Variants in ACAP2 observed in about 807,000 individuals in gnomAD.
ACAP2 encodes arf-GAP with coiled-coil, ANK repeat and PH domain-containing protein 2.
ACAP2 carries 39 observed loss-of-function variants against 115.8 expected under a neutral mutation model. The observed-to-expected ratio is 0.34, with a 90% CI of 0.26 to 0.44. ACAP2 has a LOEUF of 0.44. ACAP2 is among the 20% of genes least tolerant of loss of function. The pLI is 1.00. For synonymous variants in ACAP2, 289 were observed against 315.8 expected (o/e 0.92, Z 0.90); for missense variants, 662 against 927.6 (o/e 0.71, Z 3.72).
At chr3:195,435,154 G>A (rs1050839468) in intron 1 of ACAP2, among the ~76,000 whole-genome samples, 1 of 2,998 alleles carries the variant, frequency 3.3e-4, no homozygotes, top group African/African-American at 1.8e-3. Context: ...AGTTTGCTGG[G>A]GTGAAGATTA....
chr3:195,428,555 G>A (rs1714865410), intron 1 of ACAP2, among the ~76,000 whole-genome samples: 2 of 152,016 alleles, frequency 1.3e-5, no homozygotes, highest in African/African-American at 4.8e-5. Flanking sequence ...ATAACAAGCT[G>A]TACAGGTTTG....
chr3:195,297,156 C>G (rs1433833886), intron 16 of ACAP2, 34 bp downstream of exon 16: 1 of 1,559,132 alleles, frequency 6.4e-7, no homozygotes, highest in South Asian at 1.1e-5. Flanking sequence ...TAGCTATATT[C>G]CTAATTAGGG....
chr3:195,362,457 A>G (rs1464661305), intron 4 of ACAP2, among the ~76,000 whole-genome samples: 1 of 152,172 alleles, frequency 6.6e-6, no homozygotes, highest in Non-Finnish European at 1.5e-5. Context: ...AGGAGGGAAT[A>G]CTTACAAACT....
chr3:195,299,124 C>T lies in ACAP2; in HGVS notation c.1396-1843G>A, dbSNP rs901386495. On this transcript the variant is annotated intron_variant, in intron 15 of 22. Coordinates refer to ENST00000326793, the MANE Select transcript of ACAP2 (RefSeq NM_012287.6). The stretch of plus-strand genomic sequence containing the variant: ...TATATAAAGTCTTCTTTAAAATCTG[C>T]ACTGGTACTGTGAGACATCACTGCA... Among the ~76,000 whole-genome samples, 14 of 152,244 alleles carry T rather than the reference C, an allele frequency of 9.2e-5. No individual in the cohort carries two copies. In the South Asian group the frequency reaches 1.4e-3, roughly 16 times the overall value.
intron 19 of ACAP2, 95 bp downstream of exon 19, chr3:195,292,170 T>C: frequency 7.2e-7 from 1 of 1,396,668 alleles, no homozygotes; most frequent in Non-Finnish European, 9.5e-7. Flanking sequence ...ACCCATCTCT[T>C]GAAGCAAAGA....
At chr3:195,372,636 AC>A in intron 4 of ACAP2, among the ~76,000 whole-genome samples, 1 of 152,116 alleles carries the variant, frequency 6.6e-6, no homozygotes, top group East Asian at 1.9e-4. Flanking sequence ...AGCCTGGGCA[AC>A]ACAGGAAGAC....
At chr3:195,327,062 A>G (rs1319560126) in intron 8 of ACAP2, 103 bp from the exon 9 acceptor site, 2 of 1,043,542 alleles carry the variant, frequency 1.9e-6, no homozygotes, top group Non-Finnish European at 2.8e-6. Context: ...AAATCACTCA[A>G]TTTAAGCTGA....
At chr3:195,333,772 A>G (rs1730325281) in intron 7 of ACAP2, among the ~76,000 whole-genome samples, 1 of 152,232 alleles carries the variant, frequency 6.6e-6, no homozygotes, top group Admixed American at 6.5e-5. Context: ...CTCACTGACA[A>G]ACTTTAAATT....
intron 4 of ACAP2, 63 bp from the exon 5 acceptor site, chr3:195,345,380 C>T: frequency 1.1e-6 from 1 of 936,650 alleles, no homozygotes; most frequent in Non-Finnish European, 1.7e-6. Context: ...TCTTATCGTG[C>T]TATAAATACC....
At chr3:195,374,922 T>C in intron 4 of ACAP2, among the ~76,000 whole-genome samples, 1 of 152,126 alleles carries the variant, frequency 6.6e-6, no homozygotes, top group East Asian at 1.9e-4. Flanking sequence ...CCATGCGTAC[T>C]GGCTCACTCG....
chr3:195,422,323 CATAATA>C (rs200835851), intron 1 of ACAP2, among the ~76,000 whole-genome samples: 1 of 151,998 alleles, frequency 6.6e-6, no homozygotes. Context: ...CATTATCACA[CATAATA>C]ATAACAAAAA....
chr3:195,424,400 T>C (rs1334219234), intron 1 of ACAP2, among the ~76,000 whole-genome samples: 1 of 148,224 alleles, frequency 6.7e-6, no homozygotes, highest in African/African-American at 2.5e-5. Flanking sequence ...GTTCAAGGAA[T>C]TCCCCTGCCT....
chr3:195,386,387 A>T (rs1734303660), intron 2 of ACAP2, among the ~76,000 whole-genome samples: 1 of 152,222 alleles, frequency 6.6e-6, no homozygotes, highest in African/African-American at 2.4e-5. Context: ...ATGTTAGGTT[A>T]ATTTTATCTC....
intron 4 of ACAP2, among the ~76,000 whole-genome samples, chr3:195,348,802 T>C (rs1341004871): frequency 6.6e-6 from 1 of 152,086 alleles, no homozygotes; most frequent in Non-Finnish European, 1.5e-5. Context: ...TATAGACATA[T>C]AAGGTACCTT....
At position 195,420,832 on chromosome 3, in the gene ACAP2, C is replaced by T. The variant is rs1714133110; in HGVS notation, c.53+21963G>A. 2.0e-5 allele frequency among the ~76,000 whole-genome samples: 3 copies of T among 151,980 alleles called. 1 individual carries two copies. The highest frequency in any genetic ancestry group is 1.3e-4 in the Admixed American group (2 of 15,254). On this transcript the variant is annotated intron_variant, in intron 1 of 22. Coordinates refer to ENST00000326793, the MANE Select transcript of ACAP2 (RefSeq NM_012287.6). ...TAATTTTTTGTATTTTTAGTAGAGA[C>T]AGGGTTTCACCATGTTGGCCAGGCT... is the stretch of plus-strand genomic sequence containing the variant.
chr3:195,336,960 G>A lies in ACAP2; in HGVS notation c.545C>T (p.Ser182Leu). 1 of 1,609,740 alleles carries A rather than the reference G, an allele frequency of 6.2e-7. No homozygotes were observed. The highest frequency in any genetic ancestry group is 8.5e-7 in the Non-Finnish European group (1 of 1,177,948). The change falls in exon 7 of 23, where the codon TCA (serine) becomes TTA (leucine). Residue 182 changes from serine to leucine, a missense_variant. This residue lies in a region of ACAP2 where 401 missense variants were observed against 604.4 expected (regional missense o/e 0.66). Coordinates refer to ENST00000326793, the MANE Select transcript of ACAP2 (RefSeq NM_012287.6). The part of the protein sequence containing the change: ...DYVLQINVLQ[S>L]KRRSEILKSM... ...TTTTAGGATTTCTGATCTCCTTTTT[G>A]ATTGAAGAACATTAATCTGAGGGAA...
At chr3:195,433,830 T>C (rs186188120) in intron 1 of ACAP2, among the ~76,000 whole-genome samples, 54 of 152,350 alleles carry the variant, frequency 3.5e-4, no homozygotes, top group Admixed American at 3.3e-3. Flanking sequence ...TTTTATATGG[T>C]GCTATATTCA....
In ACAP2 at chr3:195,424,243, TGGTG is replaced by T. The variant is rs1714442162; in HGVS notation, c.53+18548_53+18551del. Among the ~76,000 whole-genome samples the T allele has an allele frequency of 6.9e-5, 4 of 57,974 alleles. No homozygotes were observed. The Admixed American group carries it at 8.6e-4, about 12-fold the overall frequency. 38.0% of individuals were successfully genotyped at this position (57,974 alleles called of 152,430 possible). A position where few individuals can be genotyped will look rare whatever the true frequency, so the allele number is the denominator to read the frequency against. On this transcript the variant is annotated intron_variant, in intron 1 of 22. Coordinates refer to ENST00000326793, the MANE Select transcript of ACAP2 (RefSeq NM_012287.6). ...GGTCATATGTGTGTGTGTGTGTGTG[TGGTG>T]TGTGTGTGTGTGTGTATATATATAT...
chr3:195,400,856 G>A (rs1577418332), intron 1 of ACAP2, among the ~76,000 whole-genome samples: 1 of 152,176 alleles, frequency 6.6e-6, no homozygotes, highest in South Asian at 2.1e-4. Flanking sequence ...AACAAAGCAA[G>A]ATGATAAGAA....
Sources: allele counts gnomAD v4.1 joint callset (sites outside exome capture counted in the v4.1 genomes callset), GRCh38; gene constraint gnomAD v4.1.1; regional missense constraint gnomAD v4.1.1; transcripts MANE v1.5; gene names NCBI Gene and HGNC (gene_info 2026-07-23, HGNC 2026-07-21).